TLL1: variants seen among roughly 807,000 people sequenced by gnomAD.
TLL1 encodes the protein tolloid like 1.
In TLL1, 49 loss-of-function variants were observed where a neutral mutation model predicts 128.2. The ratio of observed to expected loss-of-function variants is 0.38; its 90% CI spans 0.30 to 0.48. TLL1 has a LOEUF of 0.48. Among genes scored for constraint, TLL1 ranks in the 20% least tolerant of loss-of-function variants. The probability of loss-of-function intolerance (pLI) is 0.96; values close to 1 mark genes in which losing one functional copy is unlikely to be tolerated. For missense variants in TLL1, 1,123 were observed against 1,242.0 expected, an observed-to-expected ratio of 0.90 and a Z score of 1.44; for synonymous variants, 454 against 418.8, an observed-to-expected ratio of 1.08 and a Z score of -1.03.
chr4:166,096,295 G>T (rs1266852855), intron 19 of TLL1, among the ~76,000 whole-genome samples: 1 of 151,642 alleles, frequency 6.6e-6, no homozygotes, highest in Admixed American at 6.6e-5. Flanking sequence ...TGATCCATAG[G>T]AATGAGGGTG....
chr4:165,899,180 TC>T lies in TLL1; in HGVS notation c.169+25108del, dbSNP rs199504422. On this transcript the variant is annotated intron_variant, in intron 1 of 20. Transcript: ENST00000061240. The stretch of plus-strand genomic sequence containing the variant: ...CTTTTCAAACAACCAGCTCCTGGAT[TC>T]ATTGATTTTTTGAAGGGTTTTTGTG... Among the ~76,000 whole-genome samples, 363 of 152,324 alleles carry T rather than the reference TC, an allele frequency of 2.4e-3. 2 individuals carry two copies. The East Asian group carries it at 0.043, about 18-fold the overall frequency.
chr4:165,892,546 A>G (rs750033309), intron 1 of TLL1, among the ~76,000 whole-genome samples: 1 of 152,136 alleles, frequency 6.6e-6, no homozygotes, highest in Non-Finnish European at 1.5e-5. Flanking sequence ...TATGCCATTA[A>G]TGTTTTTTTT....
intron 1 of TLL1, among the ~76,000 whole-genome samples, chr4:165,923,420 C>CATTT (rs1733126784): frequency 1.2e-5 from 1 of 83,046 alleles, no homozygotes; most frequent in African/African-American, 4.7e-5. Context: ...TATAGGTATA[C>CATTT]CTTTTTTTTT....
chr4:165,999,715 C>G (rs909666000), intron 5 of TLL1, among the ~76,000 whole-genome samples: 2 of 151,570 alleles, frequency 1.3e-5, no homozygotes, highest in Admixed American at 1.3e-4. Context: ...CTCAAGTGAT[C>G]CACCTGCCTC....
At chr4:166,085,305 C>T (rs1453535443) in intron 18 of TLL1, among the ~76,000 whole-genome samples, 6 of 150,864 alleles carry the variant, frequency 4.0e-5, no homozygotes, top group African/African-American at 7.3e-5. Flanking sequence ...CTAGGACCTC[C>T]GGTACTATAC....
intron 1 of TLL1, among the ~76,000 whole-genome samples, chr4:165,987,254 A>G (rs955151288): frequency 6.6e-6 from 1 of 152,144 alleles, no homozygotes; most frequent in Non-Finnish European, 1.5e-5. Flanking sequence ...TGGAAGTTTC[A>G]TATAACTAGT....
intron 1 of TLL1, among the ~76,000 whole-genome samples, chr4:165,879,485 G>A (rs1272688994): frequency 2.6e-5 from 4 of 152,042 alleles, no homozygotes; most frequent in South Asian, 2.1e-4. Flanking sequence ...TGATATGATC[G>A]CTTACAGAAA....
At chr4:165,989,607 TA>T in intron 2 of TLL1, 116 bp downstream of exon 2, 1 of 696,792 alleles carries the variant, frequency 1.4e-6, no homozygotes, top group East Asian at 2.6e-5. Flanking sequence ...TGACTTCCTA[TA>T]CACAAATATA....
At chr4:165,951,861 T>C (rs1301239788) in intron 1 of TLL1, among the ~76,000 whole-genome samples, 1 of 152,152 alleles carries the variant, frequency 6.6e-6, no homozygotes, top group Non-Finnish European at 1.5e-5. Context: ...GTTAATCTAA[T>C]TGTAGTTGTT....
At chr4:166,014,387 G>C (rs1477254889) in intron 7 of TLL1, 49 bp from the exon 8 acceptor site, 1 of 1,609,880 alleles carries the variant, frequency 6.2e-7, no homozygotes, top group Non-Finnish European at 8.5e-7. Flanking sequence ...AGGAATTCAT[G>C]AGTTTTCATT....
intron 1 of TLL1, among the ~76,000 whole-genome samples, chr4:165,967,633 G>A (rs1351431515): frequency 6.6e-6 from 1 of 152,288 alleles, no homozygotes; most frequent in Middle Eastern, 3.4e-3. Flanking sequence ...AGATTAATCT[G>A]GTTGAGTGGC....
rs149042038 is a variant in TLL1 at position 165,936,537 on chromosome 4, T to C, written c.170-52844T>C. ...TTTTAATTGTATTTGTTTGTATAAT[T>C]TGATTGTATTTGTTTGTATAGTTAT... On this transcript the variant is annotated intron_variant, in intron 1 of 20. Transcript: ENST00000061240. Among the ~76,000 whole-genome samples, 1,115 of 152,202 alleles carry C rather than the reference T, an allele frequency of 7.3e-3. 10 individuals carry two copies. The highest frequency in any genetic ancestry group is 0.025 in the African/African-American group (1,040 of 41,532).
intron 12 of TLL1, among the ~76,000 whole-genome samples, chr4:166,050,307 G>T (rs1253701148): frequency 6.6e-6 from 1 of 152,044 alleles, no homozygotes; most frequent in Non-Finnish European, 1.5e-5. Context: ...ATATTCCATT[G>T]TATGTGTATA....
At chr4:165,906,827 G>GTTTTTTTTTTTTT (rs372917139) in intron 1 of TLL1, among the ~76,000 whole-genome samples, 1 of 114,280 alleles carries the variant, frequency 8.8e-6, no homozygotes, top group Non-Finnish European at 1.9e-5. Flanking sequence ...TATTTCTCCA[G>GTTTTTTTTTTTTT]TTTTTTTTTT....
In TLL1 at chr4:166,027,294, A is replaced by T. The variant is rs562558465; in HGVS notation, c.1158+1863A>T. Among the ~76,000 whole-genome samples, 5 of 152,172 alleles carry T rather than the reference A, an allele frequency of 3.3e-5. No individual in the cohort carries two copies. In the South Asian group the frequency reaches 1.0e-3, roughly 32 times the overall value. ...GAAAAACGACCTATGGGTAGTTTGT[A>T]CTTTGTCTTTGATTCTTATTTACCT... is the stretch of plus-strand genomic sequence containing the variant. On this transcript the variant is annotated intron_variant, in intron 9 of 20. Transcript: ENST00000061240.
chr4:166,023,410 T>C (rs1295258186), intron 8 of TLL1, among the ~76,000 whole-genome samples: 1 of 152,028 alleles, frequency 6.6e-6, no homozygotes, highest in Non-Finnish European at 1.5e-5. Flanking sequence ...CAAAGAAAAA[T>C]AAAAAGTTTA....
intron 7 of TLL1, among the ~76,000 whole-genome samples, chr4:166,008,575 A>G (rs1191557227): frequency 6.6e-6 from 1 of 151,578 alleles, no homozygotes; most frequent in Non-Finnish European, 1.5e-5. Context: ...ATTTTACCTC[A>G]TATAATTTAG....
At chr4:166,038,783 T>G (rs540280173) in intron 9 of TLL1, among the ~76,000 whole-genome samples, 1 of 152,302 alleles carries the variant, frequency 6.6e-6, no homozygotes, top group South Asian at 2.1e-4. Flanking sequence ...ACATCTGCCT[T>G]TGATTATCAT....
At position 166,011,383 on chromosome 4, in the gene TLL1, G is replaced by GT. The variant is rs376433474; in HGVS notation, c.918-3045dup. Reference sequence around the variant, plus strand: ...TTCTTTGGTTAAGTTTTTTTCTAAGGTTTTTTTTATGCTGTTGTGAATGGA... The same window carrying GT: ...TTCTTTGGTTAAGTTTTTTTCTAAGGTTTTTTTTTATGCTGTTGTGAATGGA... On this transcript the variant is annotated intron_variant, in intron 7 of 20. Coordinates refer to ENST00000061240, the MANE Select transcript of TLL1 (RefSeq NM_012464.5). Among the ~76,000 whole-genome samples, 14 of 150,976 alleles carry GT rather than the reference G, an allele frequency of 9.3e-5. No homozygotes were observed. The South Asian group carries it at 1.5e-3, about 16-fold the overall frequency.
Sources: gnomAD v4.1 joint callset for allele counts (sites outside exome capture counted in the v4.1 genomes callset) on GRCh38, gnomAD v4.1.1 for gene constraint, MANE v1.5 for transcripts, NCBI Gene and HGNC (gene_info 2026-07-23, HGNC 2026-07-21) for gene names.